Variants in GRID2 observed in about 807,000 individuals in gnomAD.
GRID2 encodes glutamate receptor ionotropic, delta-2.
A neutral mutation model predicts 114.8 loss-of-function variants in GRID2; 33 were observed. The observed-to-expected ratio is 0.29, with a 90% CI of 0.22 to 0.38. GRID2 has a LOEUF of 0.38. Ranked by LOEUF, GRID2 falls within the 10% of genes least tolerant of loss-of-function variation. The probability of loss-of-function intolerance (pLI) is 1.00; values close to 1 mark genes in which losing one functional copy is unlikely to be tolerated. For missense variants in GRID2, 1,184 were observed against 1,257.7 expected (o/e 0.94, Z 0.89); for synonymous variants, 505 against 449.9 (o/e 1.12, Z -1.55).
At chr4:93,109,764 A>G (rs1211104519) in intron 3 of GRID2, among the ~76,000 whole-genome samples, 1 of 152,186 alleles carries the variant, frequency 6.6e-6, no homozygotes, top group Non-Finnish European at 1.5e-5. Flanking sequence ...AGATTATAGC[A>G]TAATCTATAT....
In GRID2 at chr4:93,240,298, A is replaced by G. The variant is rs1049178474; in HGVS notation, c.1245+1808A>G. Among the ~76,000 whole-genome samples the G allele has an allele frequency of 3.3e-5, 5 of 151,756 alleles. No individual in the cohort carries two copies. The East Asian group carries it at 9.7e-4, about 29-fold the overall frequency. The stretch of plus-strand genomic sequence containing the variant: ...CATTCTAATCAAGTCTTGAATTTGT[A>G]AGACTTAAAATTTTATTAACTTATT... On this transcript the variant is annotated intron_variant, in intron 8 of 15. Coordinates refer to ENST00000282020, the MANE Select transcript of GRID2 (RefSeq NM_001510.4).
intron 14 of GRID2, among the ~76,000 whole-genome samples, chr4:93,645,001 G>A (rs775543856): frequency 2.2e-4 from 33 of 152,300 alleles, no homozygotes; most frequent in East Asian, 2.1e-3. Context: ...ATTCAGAGAC[G>A]TATTCCAAAG....
At chr4:93,193,121 C>T (rs754026895) in intron 4 of GRID2, among the ~76,000 whole-genome samples, 18 of 152,142 alleles carry the variant, frequency 1.2e-4, no homozygotes, top group Non-Finnish European at 1.9e-4. Flanking sequence ...TCTAATAATT[C>T]TATCATCAAG....
chr4:92,619,015 TC>T (rs1323602124), intron 2 of GRID2, among the ~76,000 whole-genome samples: 1 of 151,736 alleles, frequency 6.6e-6, no homozygotes, highest in Non-Finnish European at 1.5e-5. Flanking sequence ...TTTATTGCTT[TC>T]TCTCTGATAT....
chr4:92,646,390 C>T (rs1448030958), intron 2 of GRID2, among the ~76,000 whole-genome samples: 1 of 152,202 alleles, frequency 6.6e-6, no homozygotes, highest in Non-Finnish European at 1.5e-5. Flanking sequence ...CATTATTAAC[C>T]TGCCTGTACA....
chr4:93,321,853 A>G (rs979435217), intron 8 of GRID2, among the ~76,000 whole-genome samples: 4 of 151,916 alleles, frequency 2.6e-5, no homozygotes, highest in Non-Finnish European at 5.9e-5. Flanking sequence ...CAATACAGGG[A>G]CCTAGAATAT....
At chr4:92,687,655 C>T (rs1248602981) in intron 2 of GRID2, among the ~76,000 whole-genome samples, 1 of 151,958 alleles carries the variant, frequency 6.6e-6, no homozygotes, top group African/African-American at 2.4e-5. Context: ...CGGTGAAACC[C>T]CATCTCTACT....
At chr4:93,672,607 C>G (rs1286475167) in intron 14 of GRID2, among the ~76,000 whole-genome samples, 1 of 152,122 alleles carries the variant, frequency 6.6e-6, no homozygotes, top group Non-Finnish European at 1.5e-5. Context: ...ATAATTTATT[C>G]CCACAATTTT....
At chr4:93,204,560 A>G (rs890983135) in intron 4 of GRID2, among the ~76,000 whole-genome samples, 1 of 152,198 alleles carries the variant, frequency 6.6e-6, no homozygotes, top group Non-Finnish European at 1.5e-5. Context: ...AGGATAGTAC[A>G]GTGAGTAGAA....
chr4:93,803,924 C>T (rs2110369440), intron 1 of GRID2, among the ~76,000 whole-genome samples: 1 of 152,300 alleles, frequency 6.6e-6, no homozygotes, highest in Middle Eastern at 3.4e-3. Context: ...CAACCATCAT[C>T]ACACTGCATC....
At chr4:92,956,132 C>G (rs534670502) in intron 2 of GRID2, among the ~76,000 whole-genome samples, 48 of 152,258 alleles carry the variant, frequency 3.2e-4, no homozygotes, top group African/African-American at 1.1e-3. Context: ...CAGAGATTTC[C>G]TATATACTTC....
At chr4:93,100,582 C>A (rs1008294840) in intron 3 of GRID2, among the ~76,000 whole-genome samples, 6 of 151,962 alleles carry the variant, frequency 3.9e-5, no homozygotes, top group African/African-American at 1.4e-4. Context: ...GTATGACATA[C>A]TCCTTCCTAT....
intron 1 of GRID2, among the ~76,000 whole-genome samples, chr4:92,526,619 C>A (rs371320759): frequency 6.6e-6 from 1 of 152,068 alleles, no homozygotes; most frequent in Non-Finnish European, 1.5e-5. Context: ...GCTGGGATTA[C>A]AGGCATGAGC....
intron 2 of GRID2, among the ~76,000 whole-genome samples, chr4:92,620,267 A>G (rs1212759472): frequency 6.6e-6 from 1 of 151,844 alleles, no homozygotes; most frequent in Non-Finnish European, 1.5e-5. Context: ...CAGGGAAAAG[A>G]AAATAGCTGC....
At chr4:92,759,992 T>C (rs937776811) in intron 2 of GRID2, among the ~76,000 whole-genome samples, 47 of 151,602 alleles carry the variant, frequency 3.1e-4, no homozygotes, top group African/African-American at 1.1e-3. Context: ...AATGGTAGTT[T>C]ATACGGCACA....
At chr4:92,842,404 T>A (rs979396466) in intron 2 of GRID2, among the ~76,000 whole-genome samples, 3 of 152,160 alleles carry the variant, frequency 2.0e-5, no homozygotes, top group Non-Finnish European at 4.4e-5. Context: ...CATTAATAAA[T>A]AACATTTACT....
At chr4:92,516,980 A>G (rs1253724079) in intron 1 of GRID2, among the ~76,000 whole-genome samples, 3 of 152,002 alleles carry the variant, frequency 2.0e-5, no homozygotes, top group Non-Finnish European at 2.9e-5. Context: ...CACCATTAAC[A>G]AGGTGGTAAG....
downstream of GRID2, among the ~76,000 whole-genome samples, chr4:93,776,501 C>T (rs1734372757): frequency 6.6e-6 from 1 of 152,204 alleles, no homozygotes; most frequent in East Asian, 1.9e-4. Context: ...CTGGGCATGG[C>T]AGAAATGAAT....
chr4:92,714,585 C>T (rs1369306179), intron 2 of GRID2, among the ~76,000 whole-genome samples: 1 of 152,198 alleles, frequency 6.6e-6, no homozygotes, highest in Non-Finnish European at 1.5e-5. Context: ...TCTGCCTAGA[C>T]ATCTAGGCAT....
Sources: gnomAD v4.1 joint callset for allele counts (sites outside exome capture counted in the v4.1 genomes callset) on GRCh38, gnomAD v4.1.1 for gene constraint, MANE v1.5 for transcripts, NCBI Gene and HGNC (gene_info 2026-07-23, HGNC 2026-07-21) for gene names.